The following NLGN1 variants were observed in gnomAD, a reference collection of about 807,000 sequenced individuals.
NLGN1 encodes the protein neuroligin-1.
NLGN1 carries 12 observed loss-of-function variants against 65.5 expected under a neutral mutation model. That is an observed-to-expected ratio of 0.18 (90% CI 0.12 to 0.30). NLGN1 has a LOEUF of 0.30. Ranked by LOEUF, NLGN1 falls within the 10% of genes least tolerant of loss-of-function variation. The pLI is 1.00. For synonymous variants in NLGN1, 350 were observed against 359.5 expected, an observed-to-expected ratio of 0.97 and a Z score of 0.30; for missense variants, 750 against 1,007.1, an observed-to-expected ratio of 0.74 and a Z score of 3.46.
chr3:173,664,309 CA>C (rs1761398564), intron 3 of NLGN1, among the ~76,000 whole-genome samples: 1 of 152,032 alleles, frequency 6.6e-6, no homozygotes, highest in African/African-American at 2.4e-5. Flanking sequence ...AGAAAGCCCA[CA>C]ACATTTATTT....
rs547808647 is a variant in NLGN1 at position 173,663,741 on chromosome 3, G to C, written c.493+58650G>C. ...TAAACATTCCATCTTTTCTGCACTA[G>C]TATGTCCAGTAAGGTCAATGACTAT... is the stretch of plus-strand genomic sequence containing the variant. On this transcript the variant is annotated intron_variant, in intron 3 of 6. Transcript: ENST00000457714. 2.0e-5 allele frequency among the ~76,000 whole-genome samples: 3 copies of C among 152,074 alleles called. No homozygotes were observed. In the South Asian group the frequency reaches 6.2e-4, roughly 31 times the overall value.
At position 173,830,019 on chromosome 3, in the gene NLGN1, G is replaced by GT. The variant is rs1553863574; in HGVS notation, c.646+22187_646+22188insT. Among the ~76,000 whole-genome samples, 697 of 141,062 alleles carry GT rather than the reference G, an allele frequency of 4.9e-3. 7 individuals carry two copies. The highest frequency in any genetic ancestry group is 7.3e-3 in the Non-Finnish European group (474 of 65,126). The allele number at this position is 141,062 out of a possible 152,430, so 92.5% of individuals were successfully genotyped here. A position where few individuals can be genotyped will look rare whatever the true frequency, so the allele number is the denominator to read the frequency against. Reference sequence around the variant, plus strand: ...ACAGTGGGTAGTGTGGGGGGGGGAGGGAGAGAATAAAAAGAAGTCTTTGTG... The same window carrying GT: ...ACAGTGGGTAGTGTGGGGGGGGGAGGTGAGAGAATAAAAAGAAGTCTTTGTG... On this transcript the variant is annotated intron_variant, in intron 4 of 6. Coordinates refer to ENST00000457714, the Ensembl canonical transcript of NLGN1.
rs140849726 is a variant in NLGN1, at chr3:173,401,515, G to A, written c.-390+3028G>A. On this transcript the variant is annotated intron_variant, in intron 1 of 6. Transcript: ENST00000457714. Reference sequence around the variant, plus strand: ...AGAAGAAGGAAGAGGAGGGAAAGAGGCCAAACAAGGCTTCTCTGAGCATTG... The same window carrying A: ...AGAAGAAGGAAGAGGAGGGAAAGAGACCAAACAAGGCTTCTCTGAGCATTG... Among the ~76,000 whole-genome samples, 3 of 151,284 alleles carry A rather than the reference G, an allele frequency of 2.0e-5. No individual in the cohort carries two copies. The East Asian group carries it at 5.9e-4, about 30-fold the overall frequency.
At chr3:173,919,888 A>T (rs1388198148) in intron 4 of NLGN1, among the ~76,000 whole-genome samples, 2 of 152,250 alleles carry the variant, frequency 1.3e-5, no homozygotes, top group African/African-American at 4.8e-5. Flanking sequence ...AAGTTTTATA[A>T]ATCTTAACAT....
chr3:174,261,640 A>G (rs1746932755), intron 4 of NLGN1, among the ~76,000 whole-genome samples: 1 of 132,760 alleles, frequency 7.5e-6, no homozygotes, highest in South Asian at 2.6e-4. Flanking sequence ...AACAGGGACA[A>G]TTTGACTTCC....
chr3:173,835,885 T>G (rs929495106), intron 4 of NLGN1, among the ~76,000 whole-genome samples: 1 of 152,150 alleles, frequency 6.6e-6, no homozygotes, highest in Non-Finnish European at 1.5e-5. Flanking sequence ...ATAATATCTT[T>G]ATATATACAT....
At chr3:174,205,703 G>A (rs17183999) in intron 4 of NLGN1, among the ~76,000 whole-genome samples, 32,992 of 152,040 alleles carry the variant, frequency 0.22, 4,125 homozygotes, top group African/African-American at 0.34. Context: ...ATCTGAAAAG[G>A]AAATACCTAG....
At chr3:173,580,476 G>C (rs1332260731) in intron 2 of NLGN1, among the ~76,000 whole-genome samples, 1 of 151,856 alleles carries the variant, frequency 6.6e-6, no homozygotes, top group Non-Finnish European at 1.5e-5. Context: ...CTAATGAAGA[G>C]ATTCTCTTCA....
intron 4 of NLGN1, among the ~76,000 whole-genome samples, chr3:174,116,460 C>T (rs549550860): frequency 9.3e-5 from 14 of 150,676 alleles, no homozygotes; most frequent in Non-Finnish European, 1.3e-4. Flanking sequence ...ATCTCAGCCT[C>T]CTGAGTAGCT....
At chr3:174,087,726 C>G (rs1484077823) in intron 4 of NLGN1, among the ~76,000 whole-genome samples, 2 of 152,082 alleles carry the variant, frequency 1.3e-5, no homozygotes, top group African/African-American at 4.8e-5. Context: ...TTTATATTTG[C>G]CCACATAATT....
At chr3:173,837,410 C>G (rs921981687) in intron 4 of NLGN1, among the ~76,000 whole-genome samples, 1 of 152,034 alleles carries the variant, frequency 6.6e-6, no homozygotes, top group Non-Finnish European at 1.5e-5. Flanking sequence ...TGCTTTGGGA[C>G]AGTAAACATA....
intron 4 of NLGN1, among the ~76,000 whole-genome samples, chr3:174,130,246 C>A (rs1719881390): frequency 6.6e-6 from 1 of 152,088 alleles, no homozygotes; most frequent in South Asian, 2.1e-4. Flanking sequence ...TGGTGGCAGG[C>A]ACCTGTAATC....
chr3:173,471,075 C>T (rs1725239385), intron 2 of NLGN1, among the ~76,000 whole-genome samples: 1 of 151,910 alleles, frequency 6.6e-6, no homozygotes, highest in Non-Finnish European at 1.5e-5. Flanking sequence ...TAGTTGATCT[C>T]CAGAAAACAA....
chr3:173,903,015 T>C (rs886985774), intron 4 of NLGN1, among the ~76,000 whole-genome samples: 2 of 152,114 alleles, frequency 1.3e-5, no homozygotes, highest in Non-Finnish European at 2.9e-5. Context: ...CCACCCAACT[T>C]AGCTTTGGTG....
At chr3:173,667,311 T>G (rs1761850072) in intron 3 of NLGN1, among the ~76,000 whole-genome samples, 1 of 151,946 alleles carries the variant, frequency 6.6e-6, no homozygotes, top group Admixed American at 6.6e-5. Flanking sequence ...TTAGGATACA[T>G]TTTAACAGAT....
intron 4 of NLGN1, among the ~76,000 whole-genome samples, chr3:174,015,728 G>C (rs959011205): frequency 6.6e-6 from 1 of 152,084 alleles, no homozygotes; most frequent in Non-Finnish European, 1.5e-5. Context: ...TGGTTAGATG[G>C]CCTGCCCAAG....
intron 4 of NLGN1, among the ~76,000 whole-genome samples, chr3:173,901,368 G>GGA: frequency 6.7e-6 from 1 of 150,234 alleles, no homozygotes; most frequent in Non-Finnish European, 1.5e-5. Context: ...TTTTTTTGGG[G>GGA]GGGTGTGTGT....
At chr3:174,130,486 C>T (rs1026981398) in intron 4 of NLGN1, among the ~76,000 whole-genome samples, 1 of 152,068 alleles carries the variant, frequency 6.6e-6, no homozygotes, top group Non-Finnish European at 1.5e-5. Flanking sequence ...GCTCTAAGTC[C>T]TCGAGAATCT....
At chr3:173,694,998 C>G (rs1766000932) in intron 3 of NLGN1, among the ~76,000 whole-genome samples, 1 of 152,124 alleles carries the variant, frequency 6.6e-6, no homozygotes, top group Non-Finnish European at 1.5e-5. Flanking sequence ...TTTGACTTTT[C>G]CAGTAATTGT....
Sources: gnomAD v4.1 joint callset for allele counts (sites outside exome capture counted in the v4.1 genomes callset) on GRCh38, gnomAD v4.1.1 for gene constraint, MANE v1.5 for transcripts, NCBI Gene and HGNC (gene_info 2026-07-23, HGNC 2026-07-21) for gene names.